Variants in GABARAPL1 observed in about 807,000 individuals in gnomAD.
GABARAPL1 encodes the protein GABA type A receptor associated protein like 1.
GABARAPL1 carries 4 observed loss-of-function variants against 14.5 expected under a neutral mutation model. The ratio of observed to expected loss-of-function variants is 0.28; its 90% CI spans 0.14 to 0.63. The LOEUF is 0.63. Among genes scored for constraint, GABARAPL1 ranks in the 30% least tolerant of loss-of-function variants. The pLI, the probability that GABARAPL1 is intolerant of heterozygous loss-of-function variation, is 0.84. For synonymous variants in GABARAPL1, 47 were observed against 50.6 expected (o/e 0.93, Z 0.30); for missense variants, 82 against 139.2 (o/e 0.59, Z 2.07).
intron 2 of GABARAPL1, among the ~76,000 whole-genome samples, chr12:10,218,701 A>T (rs1465844181): frequency 1.3e-5 from 2 of 151,732 alleles, no homozygotes; most frequent in Admixed American, 1.3e-4. Flanking sequence ...TTAATTAATT[A>T]ATTAATTAAT....
At chr12:10,215,774 ACCCTAT>A (rs1421490485) in intron 1 of GABARAPL1, among the ~76,000 whole-genome samples, 1 of 151,590 alleles carries the variant, frequency 6.6e-6, no homozygotes, top group Non-Finnish European at 1.5e-5. Flanking sequence ...GGCTTACGTT[ACCCTAT>A]TTCAGTTTTT....
intron 3 of GABARAPL1, 22 bp downstream of exon 3, chr12:10,220,580 T>C (rs1239251042): frequency 6.2e-7 from 1 of 1,614,006 alleles, no homozygotes; most frequent in Admixed American, 1.7e-5. Flanking sequence ...GGTTGCACAA[T>C]ACTGGATGCC....
chr12:10,219,803 G>GAA (rs60627597), intron 2 of GABARAPL1, among the ~76,000 whole-genome samples: 2 of 144,838 alleles, frequency 1.4e-5, no homozygotes, highest in Non-Finnish European at 3.1e-5. Flanking sequence ...CTCTGTCTCG[G>GAA]AAAAAAAAAA....
At position 10,221,546 on chromosome 12, in the gene GABARAPL1, T is replaced by C. The variant is rs149531267; in HGVS notation, c.289-241T>C. On this transcript the variant is annotated intron_variant, in intron 3 of 3. Coordinates refer to ENST00000266458, the MANE Select transcript of GABARAPL1 (RefSeq NM_031412.4). The stretch of plus-strand genomic sequence containing the variant: ...GTGAGCTCTTTAAGAGTGAGGACTG[T>C]GCCCTAGTCATCTTCATATCCCTGA... 1.4e-4 allele frequency: 83 copies of C among 608,674 alleles called. 3 individuals are homozygous for C. The East Asian group carries it at 9.4e-3, about 69-fold the overall frequency. 37.7% of individuals were successfully genotyped at this position (608,674 alleles called of 1,614,324 possible). A position where few individuals can be genotyped will look rare whatever the true frequency, so the allele number is the denominator to read the frequency against.
intron 3 of GABARAPL1, 67 bp downstream of exon 3, chr12:10,220,625 C>T (rs1949115533): frequency 1.9e-6 from 3 of 1,608,912 alleles, no homozygotes; most frequent in Non-Finnish European, 2.5e-6. Context: ...AGCCCTTGTT[C>T]TAGATGCGTT....
At chr12:10,214,155 C>G (rs1044567738) in intron 1 of GABARAPL1, 31 of 231,362 alleles carry the variant, frequency 1.3e-4, no homozygotes, top group Non-Finnish European at 2.0e-4. Context: ...AATGGAGGAG[C>G]GGAGATTTTA....
intron 1 of GABARAPL1, among the ~76,000 whole-genome samples, chr12:10,216,492 C>T (rs1234624669): frequency 2.8e-5 from 4 of 144,904 alleles, no homozygotes; most frequent in African/African-American, 1.0e-4. Context: ...ACTTTTTTTT[C>T]TGCATTTCCC....
In GABARAPL1 at chr12:10,218,134, C is replaced by A. The variant is rs1356256468; in HGVS notation, c.162C>A (p.Asp54Glu). 1.4e-5 allele frequency: 22 copies of A among 1,598,972 alleles called. No individual in the cohort carries two copies. The highest frequency in any genetic ancestry group is 1.8e-5 in the Non-Finnish European group (21 of 1,166,160). ...LDKRKYLVPSDLTVGQFYFLI... is the reference protein window; with the variant it reads ...LDKRKYLVPSELTVGQFYFLI... ...AGAGGAAGTACCTAGTGCCCTCTGA[C>A]CTTACTGGTAATGCTCTTTGCCTTC... Residue 54 changes from aspartate (D) to glutamate (E), a missense_variant, in exon 2 of 4, where the codon GAC becomes GAA. Asp to Glu is a conservative substitution (Grantham distance 45, BLOSUM62 2). This residue lies in a region of GABARAPL1 where 65 missense variants were observed against 103.7 expected (regional missense o/e 0.63). Transcript: ENST00000266458.
intron 1 of GABARAPL1, chr12:10,213,515 G>A (rs1949070292): frequency 2.7e-6 from 1 of 369,974 alleles, no homozygotes; most frequent in African/African-American, 2.1e-5. Context: ...CTGAGACCGT[G>A]TGTGGGTTGC....
chr12:10,213,066 G>C lies in GABARAPL1; in HGVS notation c.-64G>C. The C allele has an allele frequency of 1.0e-6, 1 of 994,226 alleles. No individual in the cohort carries two copies. 61.6% of individuals were successfully genotyped at this position (994,226 alleles called of 1,614,324 possible). A position where few individuals can be genotyped will look rare whatever the true frequency, so the allele number is the denominator to read the frequency against. ...CACCTTGACGTCGGCTGAGGGAGCGGGACAGGGTCAGCGGCGAAGGAGGCA... is the reference window on the plus strand; with the variant it reads ...CACCTTGACGTCGGCTGAGGGAGCGCGACAGGGTCAGCGGCGAAGGAGGCA... On this transcript the variant is annotated 5_prime_UTR_variant, in exon 1 of 4. Transcript: ENST00000266458.
At chr12:10,217,020 A>T (rs1949094450) in intron 1 of GABARAPL1, among the ~76,000 whole-genome samples, 1 of 152,166 alleles carries the variant, frequency 6.6e-6, no homozygotes, top group South Asian at 2.1e-4. Context: ...AATCCCTTAA[A>T]ATCCTAACAA....
intron 1 of GABARAPL1, chr12:10,214,484 T>A (rs1949077152): frequency 6.6e-6 from 1 of 152,220 alleles, no homozygotes; most frequent in Non-Finnish European, 1.5e-5. Context: ...CCTTTACAAA[T>A]TACTTTCCTG....
At chr12:10,213,284 A>G in intron 1 of GABARAPL1, 65 bp downstream of exon 1, 3 of 1,019,664 alleles carry the variant, frequency 2.9e-6, no homozygotes, top group Non-Finnish European at 3.0e-6. Flanking sequence ...CGGGTAGTCG[A>G]GATGGCTTCC....
At chr12:10,218,433 CTTG>C (rs1949102497) in intron 2 of GABARAPL1, among the ~76,000 whole-genome samples, 1 of 151,948 alleles carries the variant, frequency 6.6e-6, no homozygotes, top group Non-Finnish European at 1.5e-5. Context: ...ATTAGCTGGG[CTTG>C]GTGGCGGGTG....
At chr12:10,217,191 A>G (rs1248356180) in intron 1 of GABARAPL1, among the ~76,000 whole-genome samples, 1 of 152,236 alleles carries the variant, frequency 6.6e-6, no homozygotes, top group Non-Finnish European at 1.5e-5. Flanking sequence ...AAGTCCTAAC[A>G]TAATCAATAT....
intron 1 of GABARAPL1, 62 bp downstream of exon 1, chr12:10,213,281 T>C (rs1227822896): frequency 2.0e-6 from 2 of 1,025,524 alleles, no homozygotes; most frequent in African/African-American, 1.6e-5. Context: ...GGGCGGGTAG[T>C]CGAGATGGCT....
intron 2 of GABARAPL1, among the ~76,000 whole-genome samples, chr12:10,219,606 C>A (rs1373311711): frequency 2.6e-5 from 4 of 151,848 alleles, no homozygotes; most frequent in Non-Finnish European, 5.9e-5. Flanking sequence ...TTGAGACCAG[C>A]CTGGCCAACG....
chr12:10,220,660 A>G (rs1354549803), intron 3 of GABARAPL1, 102 bp downstream of exon 3: 3 of 1,575,564 alleles, frequency 1.9e-6, no homozygotes, highest in South Asian at 2.3e-5. Flanking sequence ...GAAGTGGGGC[A>G]GAAGGTGTTA....
In GABARAPL1 at chr12:10,220,357, G is replaced by T. The variant is rs142698737; in HGVS notation, c.170-83G>T. On this transcript the variant is annotated intron_variant, in intron 2 of 3. Transcript: ENST00000266458. ...GACTCTAAGGTGAAAAAATGCAATT[G>T]AATTTTTTTCCAGGACTTACCCTTC... The T allele has an allele frequency of 1.0e-3, 1,577 of 1,584,454 alleles. 19 individuals are homozygous for T. In the African/African-American group the frequency reaches 0.019, roughly 19 times the overall value.
Sources: allele counts gnomAD v4.1 joint callset (sites outside exome capture counted in the v4.1 genomes callset), GRCh38; gene constraint gnomAD v4.1.1; regional missense constraint gnomAD v4.1.1; transcripts MANE v1.5; gene names NCBI Gene and HGNC (gene_info 2026-07-23, HGNC 2026-07-21).